ITGB2: variants seen among roughly 807,000 people sequenced by gnomAD.
ITGB2 encodes integrin subunit beta 2, also known as integrin beta-2.
In ITGB2, 56 loss-of-function variants were observed where a neutral mutation model predicts 86.8. The observed-to-expected ratio is 0.65, with a 90% CI of 0.52 to 0.81. ITGB2 has a LOEUF of 0.81. ITGB2 is among the 30% of genes least tolerant of loss of function. The pLI is 0.00. For synonymous variants in ITGB2, 457 were observed against 450.4 expected (o/e 1.01, Z -0.19); for missense variants, 948 against 1,061.2 (o/e 0.89, Z 1.48).
rs570287134 is a variant in ITGB2 at position 44,908,048 on chromosome 21, C to G, written c.148-953G>C. 3 of 717,454 alleles carry G rather than the reference C, an allele frequency of 4.2e-6. No individual in the cohort carries two copies. In the Admixed American group the frequency reaches 6.0e-5, roughly 14 times the overall value. 44.4% of individuals were successfully genotyped at this position (717,454 alleles called of 1,614,324 possible). A position where few individuals can be genotyped will look rare whatever the true frequency, so the allele number is the denominator to read the frequency against. On this transcript the variant is annotated intron_variant, in intron 3 of 15. Transcript: ENST00000652462. ...ACCTCCAGAAAGGGGAGGGAAAAAACCCAGCCTGACCAAGGTAGTTTCCAC... is the reference window on the plus strand; with the variant it reads ...ACCTCCAGAAAGGGGAGGGAAAAAAGCCAGCCTGACCAAGGTAGTTTCCAC...
At chr21:44,926,893 C>A (rs1313863883) in intron 1 of ITGB2, 1 of 152,272 alleles carries the variant, frequency 6.6e-6, no homozygotes, top group Non-Finnish European at 1.5e-5. Context: ...GGCTGCCCGA[C>A]CCTGAGCTCC....
intron 1 of ITGB2, chr21:44,927,932 C>T (rs530076054): frequency 1.6e-3 from 249 of 152,438 alleles, no homozygotes; most frequent in Non-Finnish European, 2.6e-3. Flanking sequence ...AGATCTGCCC[C>T]GGGGAAGGCA....
intron 8 of ITGB2, among the ~76,000 whole-genome samples, chr21:44,897,575 A>G (rs920841139): frequency 6.6e-6 from 1 of 152,194 alleles, no homozygotes; most frequent in Non-Finnish European, 1.5e-5. Flanking sequence ...CCCGCCGGGC[A>G]CCACTACCCC....
chr21:44,924,999 G>A (rs2084353808), upstream of ITGB2, among the ~76,000 whole-genome samples: 5 of 152,290 alleles, frequency 3.3e-5, no homozygotes, highest in South Asian at 1.0e-3. Flanking sequence ...CTATTGTAGA[G>A]TTTTCTTTAC....
intron 12 of ITGB2, among the ~76,000 whole-genome samples, 159 bp downstream of exon 12, chr21:44,889,819 C>T (rs2083758887): frequency 6.6e-6 from 1 of 152,190 alleles, no homozygotes; most frequent in Non-Finnish European, 1.5e-5. Context: ...CAGGGCCATC[C>T]AAGTTCCTGC....
chr21:44,906,410 C>T (rs781742022), intron 4 of ITGB2, among the ~76,000 whole-genome samples: 2 of 152,002 alleles, frequency 1.3e-5, no homozygotes, highest in Non-Finnish European at 2.9e-5. Context: ...CGTGAGCCAC[C>T]GATAAGGAGG....
At chr21:44,924,222 G>T (rs2084344301), upstream of ITGB2, among the ~76,000 whole-genome samples, 1 of 151,842 alleles carries the variant, frequency 6.6e-6, no homozygotes, top group African/African-American at 2.4e-5. Context: ...CTGAGGTTAG[G>T]AGTTCAAGAC....
At chr21:44,921,436 A>C (rs2084302524), upstream of ITGB2, 1 of 153,080 alleles carries the variant, frequency 6.5e-6, no homozygotes, top group South Asian at 2.0e-4. Context: ...CTCAGGTCAC[A>C]GGAGGAAGGC....
chr21:44,886,655 C>T, intron 15 of ITGB2, 81 bp downstream of exon 15: 1 of 1,587,652 alleles, frequency 6.3e-7, no homozygotes, highest in Non-Finnish European at 8.6e-7. Context: ...CACGGGTGTC[C>T]ACGGCCTCCC....
At chr21:44,926,420 G>A (rs2084374080) in intron 1 of ITGB2, among the ~76,000 whole-genome samples, 1 of 152,254 alleles carries the variant, frequency 6.6e-6, no homozygotes, top group Non-Finnish European at 1.5e-5. Flanking sequence ...GCTCCACGGA[G>A]CCGGGAGGCC....
chr21:44,905,775 A>C (rs548797734), intron 4 of ITGB2, among the ~76,000 whole-genome samples: 5 of 152,106 alleles, frequency 3.3e-5, no homozygotes, highest in African/African-American at 9.6e-5. Flanking sequence ...GGACCTCCCC[A>C]ATGGCTCGGC....
chr21:44,901,799 A>C, intron 5 of ITGB2, 66 bp from the exon 6 acceptor site: 1 of 1,531,042 alleles, frequency 6.5e-7, no homozygotes, highest in Non-Finnish European at 8.9e-7. Context: ...CCAGCTTCAA[A>C]GGGGCACGAG....
At position 44,900,403 on chromosome 21, in the gene ITGB2, C is replaced by T. The variant is rs749335770; in HGVS notation, c.814G>A (p.Asp272Asn). 3.0e-5 allele frequency: 48 copies of T among 1,613,968 alleles called. No individual in the cohort carries two copies. Among genetic ancestry groups the T allele is most frequent in the African/African-American group, 4.0e-5 (3 of 74,926 alleles). ...GTCAGGATGGCGCCCAGCTTCCCGT[C>T]GCCCGCGAAATGGAAGCCGTCATCA... ...ATDDGFHFAG[D>N]GKLGAILTPN... Residue 272 changes from aspartate (D) to asparagine (N), a missense_variant, in exon 7 of 16, where the codon GAC (aspartate) becomes AAC (asparagine). Asp to Asn is a conservative substitution (Grantham distance 23, BLOSUM62 1). Transcript: ENST00000652462.
intron 14 of ITGB2, 39 bp from the exon 15 acceptor site, chr21:44,886,941 C>T (rs1446496613): frequency 6.2e-7 from 1 of 1,607,638 alleles, no homozygotes; most frequent in South Asian, 1.1e-5. Flanking sequence ...CAGTCCAGCC[C>T]CATCTCACTG....
intron 5 of ITGB2, chr21:44,901,955 T>C: frequency 3.4e-6 from 2 of 585,356 alleles, no homozygotes; most frequent in Non-Finnish European, 6.1e-6. Flanking sequence ...GCAATGTACA[T>C]GGATGAGCAT....
chr21:44,917,454 C>T lies in ITGB2; in HGVS notation c.-4+3367G>A, dbSNP rs192671635. 1.1e-4 allele frequency among the ~76,000 whole-genome samples: 16 copies of T among 152,328 alleles called. No homozygotes were observed. In the East Asian group the frequency reaches 2.9e-3, roughly 28 times the overall value. ...AAAGGACATTTTAAAAATGGAATTT[C>T]ATGGTGGCCGACGAATTATGCTGAA... is the stretch of plus-strand genomic sequence containing the variant. On this transcript the variant is annotated intron_variant, in intron 1 of 15. Transcript: ENST00000652462.
intron 4 of ITGB2, among the ~76,000 whole-genome samples, chr21:44,906,295 A>G (rs1323828629): frequency 3.9e-5 from 6 of 151,986 alleles, no homozygotes; most frequent in African/African-American, 1.5e-4. Flanking sequence ...CCCAGGTTCA[A>G]GTGATTCTCC....
intron 8 of ITGB2, among the ~76,000 whole-genome samples, chr21:44,897,920 A>G (rs904020389): frequency 6.6e-6 from 1 of 152,136 alleles, no homozygotes; most frequent in Non-Finnish European, 1.5e-5. Context: ...CTTCTAGCGA[A>G]TCCCTGTTAC....
chr21:44,889,212 CTGCTGGGTAGGT>C, intron 13 of ITGB2, 52 bp downstream of exon 13: 1 of 1,528,868 alleles, frequency 6.5e-7, no homozygotes, highest in Non-Finnish European at 9.0e-7. Context: ...GTGAGCCCGG[CTGCTGGGTAGGT>C]GGCCGGGGAG....
Sources: gnomAD v4.1 joint callset for allele counts (sites outside exome capture counted in the v4.1 genomes callset) on GRCh38, gnomAD v4.1.1 for gene constraint, MANE v1.5 for transcripts, NCBI Gene and HGNC (gene_info 2026-07-23, HGNC 2026-07-21) for gene names.